Variants in CACNA2D1 observed in about 807,000 individuals in gnomAD.
CACNA2D1 encodes calcium voltage-gated channel auxiliary subunit alpha2delta 1.
In CACNA2D1, 53 loss-of-function variants were observed where a neutral mutation model predicts 171.5. The ratio of observed to expected loss-of-function variants is 0.31; its 90% CI spans 0.25 to 0.39. The LOEUF is 0.39. Ranked by LOEUF, CACNA2D1 falls within the 10% of genes least tolerant of loss-of-function variation. CACNA2D1 has a pLI of 1.00. For synonymous variants in CACNA2D1, 442 were observed against 443.1 expected, an observed-to-expected ratio of 1.00 and a Z score of 0.03; for missense variants, 903 against 1,299.8, an observed-to-expected ratio of 0.69 and a Z score of 4.69.
At chr7:81,991,893 G>A (rs1584319885) in intron 20 of CACNA2D1, among the ~76,000 whole-genome samples, 2 of 151,524 alleles carry the variant, frequency 1.3e-5, no homozygotes, top group South Asian at 2.1e-4. Context: ...GGAGTGCAGC[G>A]GTGTGATCTC....
chr7:82,398,144 T>C (rs1188378871), intron 1 of CACNA2D1, among the ~76,000 whole-genome samples: 2 of 152,186 alleles, frequency 1.3e-5, no homozygotes, highest in Non-Finnish European at 1.5e-5. Context: ...ACTACAACTA[T>C]TAAAGAAGGA....
At chr7:82,365,742 T>C (rs1357724530) in intron 1 of CACNA2D1, among the ~76,000 whole-genome samples, 1 of 152,252 alleles carries the variant, frequency 6.6e-6, no homozygotes, top group Non-Finnish European at 1.5e-5. Flanking sequence ...TGAAGAGCTA[T>C]ACGTTACTTC....
intron 3 of CACNA2D1, among the ~76,000 whole-genome samples, chr7:82,188,385 C>T (rs1182396553): frequency 1.3e-5 from 2 of 151,972 alleles, no homozygotes; most frequent in Non-Finnish European, 2.9e-5. Context: ...ATAAAGTAGT[C>T]ATATTTAAGG....
intron 6 of CACNA2D1, among the ~76,000 whole-genome samples, chr7:82,092,540 CTTTTTTTTTTTTTT>C (rs71093360): frequency 3.9e-5 from 4 of 102,704 alleles, no homozygotes; most frequent in Non-Finnish European, 5.4e-5. Flanking sequence ...GCCCAGCTAA[CTTTTTTTTTTTTTT>C]TTTTTTTTTT....
intron 3 of CACNA2D1, among the ~76,000 whole-genome samples, chr7:82,213,056 C>T (rs1286633639): frequency 6.6e-6 from 1 of 151,928 alleles, no homozygotes; most frequent in Non-Finnish European, 1.5e-5. Context: ...GCCCACACCA[C>T]GCCCTGCTAA....
At chr7:81,980,596 T>G (rs1451324261) in intron 24 of CACNA2D1, among the ~76,000 whole-genome samples, 1 of 97,230 alleles carries the variant, frequency 1.0e-5, no homozygotes, top group Non-Finnish European at 2.1e-5. Flanking sequence ...GAAATATGAT[T>G]TTTTTCACAT....
intron 10 of CACNA2D1, among the ~76,000 whole-genome samples, chr7:82,044,903 C>T (rs1804376403): frequency 1.3e-5 from 2 of 152,116 alleles, no homozygotes; most frequent in Admixed American, 1.3e-4. Flanking sequence ...TTTATTCTTA[C>T]ATATGTGGAT....
chr7:82,097,104 C>T (rs865857538), intron 6 of CACNA2D1, among the ~76,000 whole-genome samples: 1 of 151,986 alleles, frequency 6.6e-6, no homozygotes, highest in Non-Finnish European at 1.5e-5. Context: ...GTAGAAGGAC[C>T]GCATGCCTGA....
chr7:82,062,367 T>C (rs946729890), intron 9 of CACNA2D1, among the ~76,000 whole-genome samples: 1 of 152,146 alleles, frequency 6.6e-6, no homozygotes, highest in Non-Finnish European at 1.5e-5. Context: ...TTCCACTGTC[T>C]TTCCTCTCCC....
intron 20 of CACNA2D1, among the ~76,000 whole-genome samples, chr7:81,993,342 G>A (rs2130763021): frequency 6.6e-6 from 1 of 152,210 alleles, no homozygotes; most frequent in African/African-American, 2.4e-5. Flanking sequence ...CCAAACTGGA[G>A]ATTCCTAGCT....
intron 19 of CACNA2D1, among the ~76,000 whole-genome samples, 194 bp from the exon 20 acceptor site, chr7:81,995,133 C>T (rs1797912546): frequency 6.6e-6 from 1 of 152,040 alleles, no homozygotes; most frequent in African/African-American, 2.4e-5. Flanking sequence ...AGTCATTTTA[C>T]ATTATTTTAA....
chr7:82,101,882 T>C (rs1230192058), intron 6 of CACNA2D1, among the ~76,000 whole-genome samples: 1 of 152,196 alleles, frequency 6.6e-6, no homozygotes, highest in Non-Finnish European at 1.5e-5. Flanking sequence ...TGTAACTGTA[T>C]CAGTAGGAAA....
chr7:82,000,470 T>C (rs1371083830), intron 18 of CACNA2D1, among the ~76,000 whole-genome samples: 1 of 152,114 alleles, frequency 6.6e-6, no homozygotes, highest in Non-Finnish European at 1.5e-5. Context: ...CACTACAGGA[T>C]TTAGTGGAGT....
intron 7 of CACNA2D1, among the ~76,000 whole-genome samples, chr7:82,079,995 ATTT>A (rs954745040): frequency 1.3e-5 from 2 of 150,420 alleles, no homozygotes; most frequent in Non-Finnish European, 2.9e-5. Context: ...TCAATTTTTA[ATTT>A]TTTTATTTTT....
chr7:82,400,832 C>T (rs1214000059), intron 1 of CACNA2D1, among the ~76,000 whole-genome samples: 3 of 151,338 alleles, frequency 2.0e-5, no homozygotes, highest in African/African-American at 7.3e-5. Context: ...TATCCAGAAT[C>T]TACAATGAAC....
chr7:81,960,691 T>C (rs1313054279), intron 36 of CACNA2D1, among the ~76,000 whole-genome samples: 1 of 150,668 alleles, frequency 6.6e-6, no homozygotes, highest in African/African-American at 2.4e-5. Context: ...ATCTTGGTTA[T>C]ACTGACCTTC....
intron 3 of CACNA2D1, among the ~76,000 whole-genome samples, chr7:82,230,218 C>G (rs1464843690): frequency 6.6e-6 from 1 of 152,198 alleles, no homozygotes; most frequent in Non-Finnish European, 1.5e-5. Flanking sequence ...ATGCTGACTT[C>G]TAACATCACA....
intron 3 of CACNA2D1, among the ~76,000 whole-genome samples, chr7:82,229,695 T>C (rs1209478566): frequency 1.3e-5 from 2 of 151,520 alleles, no homozygotes; most frequent in Admixed American, 1.3e-4. Context: ...ATTTTTATTT[T>C]ATTTTATTTT....
chr7:82,042,060 T>C (rs1031696421), intron 10 of CACNA2D1, among the ~76,000 whole-genome samples: 3 of 152,148 alleles, frequency 2.0e-5, no homozygotes, highest in African/African-American at 7.2e-5. Context: ...AAATATATAT[T>C]CAGTAGTGTA....
Sources: allele counts gnomAD v4.1 joint callset (sites outside exome capture counted in the v4.1 genomes callset), GRCh38; gene constraint gnomAD v4.1.1; transcripts MANE v1.5; gene names NCBI Gene and HGNC (gene_info 2026-07-23, HGNC 2026-07-21).